SPG7: variants seen among roughly 807,000 people sequenced by gnomAD.
SPG7 encodes the protein SPG7 matrix AAA peptidase subunit, paraplegin, also known as mitochondrial inner membrane m-AAA protease component paraplegin.
In SPG7, 103 loss-of-function variants were observed where a neutral mutation model predicts 81.9. The observed-to-expected ratio is 1.26, with a 90% CI of 1.07 to 1.48. SPG7 has a LOEUF of 1.48. SPG7 is among the 40% of genes most tolerant of loss of function. SPG7 has a pLI of 0.00. For synonymous variants in SPG7, 534 were observed against 444.2 expected, an observed-to-expected ratio of 1.20 and a Z score of -2.54; for missense variants, 1,241 against 1,087.3, an observed-to-expected ratio of 1.14 and a Z score of -1.99.
At chr16:89,528,117 G>A (rs1329760723) in intron 5 of SPG7, among the ~76,000 whole-genome samples, 3 of 150,024 alleles carry the variant, frequency 2.0e-5, no homozygotes, top group South Asian at 2.1e-4. Context: ...TGGGCCGGGC[G>A]CGGTGGCTCA....
rs148890064 is a variant in SPG7 at position 89,514,726 on chromosome 16, C to A, written c.376+1689C>A. Among the ~76,000 whole-genome samples the A allele has an allele frequency of 3.1e-3, 475 of 152,042 alleles. 3 individuals carry two copies. The highest frequency in any genetic ancestry group is 0.011 in the African/African-American group (462 of 41,470). On this transcript the variant is annotated intron_variant, in intron 3 of 16. Coordinates refer to ENST00000645818, the MANE Select transcript of SPG7 (RefSeq NM_003119.4). ...TGTTAGCCAGGATGGTCTCGATCTC[C>A]TGACCTTGTGATCTGCTCACCTTGG...
chr16:89,553,267 G>A, intron 14 of SPG7, 132 bp downstream of exon 14: 3 of 1,013,094 alleles, frequency 3.0e-6, no homozygotes, highest in Non-Finnish European at 4.5e-6. Flanking sequence ...TTTTGTAAAA[G>A]ATAAGTTGTG....
At chr16:89,523,562 TGACGGCTCGGACGGCCTGG>T (rs2058218964) in intron 3 of SPG7, 1 of 377,726 alleles carries the variant, frequency 2.6e-6, no homozygotes, top group Non-Finnish European at 5.3e-6. Context: ...ACTGCATCTG[TGACGGCTCGGACGGCCTGG>T]GACGGTCGTT....
At chr16:89,556,555 A>G in intron 16 of SPG7, 3 of 393,662 alleles carry the variant, frequency 7.6e-6, no homozygotes, top group South Asian at 2.3e-5. Flanking sequence ...GCTCTCCTCA[A>G]TCAGGAGGGT....
rs1187008134 is a variant in SPG7, at chr16:89,529,519, C to T, written c.801C>T (p.Ile267=). Residue 267 remains isoleucine, a synonymous_variant, in exon 6 of 17, where the codon ATC becomes ATT. Transcript: ENST00000645818. ...GGATGACGGCAGTGGGCCTGGCCAT[C>T]CTGTGGTATGTTTTCCGTCTGGCCG... is the stretch of plus-strand genomic sequence containing the variant. ...SVGMTAVGLA[I]LWYVFRLAGM... is the part of the protein sequence containing the mutation. The T allele has an allele frequency of 8.7e-6, 14 of 1,614,010 alleles. No homozygotes were observed. The highest frequency in any genetic ancestry group is 1.2e-5 in the Non-Finnish European group (14 of 1,179,942).
At chr16:89,525,444 C>A (rs1301851719) in intron 4 of SPG7, among the ~76,000 whole-genome samples, 1 of 152,168 alleles carries the variant, frequency 6.6e-6, no homozygotes, top group Non-Finnish European at 1.5e-5. Context: ...GATAAAACAG[C>A]TGCCTTAAAG....
rs202077774 is a variant in SPG7, at chr16:89,547,977, C to T, written c.1553-26C>T. On this transcript the variant is annotated intron_variant, in intron 11 of 16. Coordinates refer to ENST00000645818, the MANE Select transcript of SPG7 (RefSeq NM_003119.4). ...CCCTGATAGCAGAAACCCACCCACC[C>T]ACACCGTGGCTGTTTGTGTTGACAG... 163 of 1,581,336 alleles carry T rather than the reference C, an allele frequency of 1.0e-4. 1 individual carries two copies. The Middle Eastern group carries it at 1.2e-3, about 11-fold the overall frequency.
At chr16:89,531,566 G>T (rs1007335936) in intron 7 of SPG7, 11 of 350,428 alleles carry the variant, frequency 3.1e-5, no homozygotes, top group African/African-American at 1.7e-4. Flanking sequence ...TAGAGACGGG[G>T]TTTTTCCATG....
rs114135540 is a variant in SPG7 at position 89,531,999 on chromosome 16, G to A, written c.1083G>A (p.Ala361=). 3.4e-4 allele frequency: 547 copies of A among 1,613,936 alleles called. 2 individuals carry two copies. Among genetic ancestry groups the A allele is most frequent in the African/African-American group, 3.2e-3 (243 of 75,052 alleles). ...PGCGKTLLAK[A]VATEAQVPFL... is the part of the protein sequence containing the mutation. ...GTGGGAAGACGCTGCTGGCCAAGGC[G>A]GTGGCCACGGAGGCTCAGGTGCCCT... is the stretch of plus-strand genomic sequence containing the variant. Residue 361 remains alanine (A), a synonymous_variant, in exon 8 of 17, where the codon GCG becomes GCA. Coordinates refer to ENST00000645818, the MANE Select transcript of SPG7 (RefSeq NM_003119.4).
At chr16:89,523,945 ATGTCGCCCGTGTC>A (rs746597206) in intron 3 of SPG7, 48 bp from the exon 4 acceptor site, 8 of 1,599,812 alleles carry the variant, frequency 5.0e-6, no homozygotes, top group Middle Eastern at 3.3e-4. Context: ...GAAGCTCTGG[ATGTCGCCCGTGTC>A]TGTTGCTCAT....
chr16:89,549,357 T>A (rs2019604), intron 12 of SPG7: 2 of 390,908 alleles, frequency 5.1e-6, no homozygotes, highest in Non-Finnish European at 1.0e-5. Context: ...CAGGGGAGAT[T>A]TAATGCAAAC....
chr16:89,515,098 G>A (rs749273811), intron 3 of SPG7, among the ~76,000 whole-genome samples: 8 of 149,850 alleles, frequency 5.3e-5, no homozygotes, highest in East Asian at 2.0e-4. Context: ...CACCATACCC[G>A]GCTCATTTTT....
In SPG7 at chr16:89,526,422, A is replaced by T. The variant is rs2152400493; in HGVS notation, c.712A>T (p.Lys238Ter). 6.2e-7 allele frequency: 1 copy of T among 1,614,230 alleles called. No individual in the cohort carries two copies. Residue 238 changes from lysine (K) to a stop codon, truncating the protein, a stop_gained, in exon 5 of 17, where the codon AAG becomes TAG. Transcript: ENST00000645818. LOFTEE classifies it high-confidence loss of function. ...TGAAGATGAGCTGAATATCGAGGCC[A>T]AGGACAGGATCCCAGTTTCCTACAA... ...AAEDELNIEA[K>*]DRIPVSYKRT...
chr16:89,527,514 TAAGA>T (rs1464806727), intron 5 of SPG7: 6 of 152,338 alleles, frequency 3.9e-5, no homozygotes, highest in African/African-American at 1.4e-4. Flanking sequence ...AGCCTAGCAG[TAAGA>T]AAGAAAGTCA....
rs773595424 is a variant in SPG7 at position 89,550,564 on chromosome 16, C to T, written c.1734C>T (p.His578=). 23 of 1,613,884 alleles carry T rather than the reference C, an allele frequency of 1.4e-5. No homozygotes were observed. The highest frequency in any genetic ancestry group is 1.7e-5 in the Non-Finnish European group (20 of 1,180,004). Residue 578 remains histidine (H), a synonymous_variant, in exon 13 of 17, where the codon CAC becomes CAT. Transcript: ENST00000645818. The stretch of plus-strand genomic sequence containing the variant: ...TGGTTGCGTTTCATGAGTCGGGCCA[C>T]GCCTTGGTGGGCTGGATGCTGGAGC... The part of the protein sequence containing the change: ...QKVVAFHESG[H]ALVGWMLEHT...
At chr16:89,526,950 TAGGATGGCGAAGTCTCAGCCCCCGAC>T (rs2058271830) in intron 5 of SPG7, 1 of 227,036 alleles carries the variant, frequency 4.4e-6, no homozygotes, top group African/African-American at 2.4e-5. Context: ...GCCCCCGACG[TAGGATGGCGAAGTCTCAGCCCCCGAC>T]GTAGGATGGC....
At chr16:89,550,464 C>T (rs375086543) in intron 12 of SPG7, 30 bp from the exon 13 acceptor site, 44 of 1,527,368 alleles carry the variant, frequency 2.9e-5, no homozygotes, top group Middle Eastern at 1.7e-4. Flanking sequence ...TGAGCCACCG[C>T]GCCCAACTCA....
At chr16:89,534,307 C>A (rs1288303407) in intron 9 of SPG7, among the ~76,000 whole-genome samples, 1 of 152,168 alleles carries the variant, frequency 6.6e-6, no homozygotes, top group African/African-American at 2.4e-5. Flanking sequence ...TCTCTAGGGG[C>A]CACCTGTACT....
chr16:89,524,325 C>T (rs2058233913), intron 4 of SPG7, 78 bp downstream of exon 4: 1 of 1,513,904 alleles, frequency 6.6e-7, no homozygotes, highest in African/African-American at 1.4e-5. Context: ...GCTGTGGGCT[C>T]CTGTGAATGA....
Sources: allele counts gnomAD v4.1 joint callset (sites outside exome capture counted in the v4.1 genomes callset), GRCh38; gene constraint gnomAD v4.1.1; transcripts MANE v1.5; gene names NCBI Gene and HGNC (gene_info 2026-07-23, HGNC 2026-07-21).